ZCCHC10: variants seen among roughly 807,000 people sequenced by gnomAD.
ZCCHC10 encodes the protein zinc finger CCHC-type containing 10.
Under a neutral mutation model 19.5 loss-of-function variants are expected in ZCCHC10, and 16 were observed. That is an observed-to-expected ratio of 0.82 (90% confidence interval 0.56 to 1.25). The LOEUF is 1.25. ZCCHC10 is among the 50% of genes most tolerant of loss of function. The pLI, the probability that ZCCHC10 is intolerant of heterozygous loss-of-function variation, is 0.00. For missense variants in ZCCHC10, 197 were observed against 201.0 expected, an observed-to-expected ratio of 0.98 and a Z score of 0.12; for synonymous variants, 67 against 72.5, an observed-to-expected ratio of 0.92 and a Z score of 0.38.
At position 133,026,527 on chromosome 5, in the gene ZCCHC10, G is replaced by C; in HGVS notation, c.11C>G (p.Pro4Arg). ...TCTCCGGGCTATTAGCCGATGCATG[G>C]GAGTCGCCATCTTAGCGCGGTCAAA... MAT[P>R]MHRLIARRQA... is the part of the protein sequence containing the mutation. Residue 4 changes from proline to arginine, a missense_variant, in exon 1 of 5, where the codon CCC becomes CGC. By Grantham distance (103) the Pro-to-Arg change is moderately radical. Coordinates refer to ENST00000509437, the MANE Select transcript of ZCCHC10 (RefSeq NM_001300816.3). 3 of 1,613,772 alleles carry C rather than the reference G, an allele frequency of 1.9e-6. No homozygotes were observed. Among genetic ancestry groups the C allele is most frequent in the Non-Finnish European group, 2.5e-6 (3 of 1,179,942 alleles).
chr5:133,024,918 A>G (rs1052458758), intron 1 of ZCCHC10, among the ~76,000 whole-genome samples: 9 of 151,928 alleles, frequency 5.9e-5, no homozygotes, highest in African/African-American at 2.2e-4. Flanking sequence ...AAAACAAAAA[A>G]AACCTGTCTG....
intron 2 of ZCCHC10, among the ~76,000 whole-genome samples, chr5:133,022,613 C>T (rs1764393705): frequency 6.6e-6 from 1 of 152,044 alleles, no homozygotes; most frequent in African/African-American, 2.4e-5. Context: ...CCACCACATC[C>T]AGCTAATTTT....
intron 2 of ZCCHC10, among the ~76,000 whole-genome samples, chr5:133,008,503 A>G (rs1208947989): frequency 6.9e-6 from 1 of 144,504 alleles, no homozygotes; most frequent in Non-Finnish European, 1.5e-5. Flanking sequence ...GCGCCATCGT[A>G]CTCCAGCCTG....
intron 2 of ZCCHC10, among the ~76,000 whole-genome samples, chr5:133,020,247 G>A (rs1764212849): frequency 6.6e-6 from 1 of 151,942 alleles, no homozygotes; most frequent in South Asian, 2.1e-4. Flanking sequence ...CAGATCACTT[G>A]ATACCAGGAG....
Position 132,998,813 on chromosome 5 carries a change from C to T in ZCCHC10, c.349G>A (p.Asp117Asn). 1 of 1,614,160 alleles carries T rather than the reference C, an allele frequency of 6.2e-7. No homozygotes were observed. The highest frequency in any genetic ancestry group is 8.5e-7 in the Non-Finnish European group (1 of 1,180,034). The change falls in exon 5 of 5, where the codon GAC (aspartate) becomes AAC (asparagine). Residue 117 changes from aspartate to asparagine, a missense_variant. By Grantham distance (23) the Asp-to-Asn change is conservative. Coordinates refer to ENST00000509437, the MANE Select transcript of ZCCHC10 (RefSeq NM_001300816.3). ...SVTSSSSSSSDSSASDSSSES... is the reference protein window; with the variant it reads ...SVTSSSSSSSNSSASDSSSES... ...GATGAAGAATCACTGGCAGAACTGT[C>T]ACTGCTACTGCTACTGGAACTGGTT...
In ZCCHC10 at chr5:133,007,544, C is replaced by CA. The variant is rs58700549; in HGVS notation, c.108-625dup. On this transcript the variant is annotated intron_variant, in intron 2 of 4. Coordinates refer to ENST00000509437, the MANE Select transcript of ZCCHC10 (RefSeq NM_001300816.3). ...GGCAACAGAGCGAGACTCCGTCTCA[C>CA]AAAAAAAAAAAAAAACAAAAAACCA... 8.9e-3 allele frequency among the ~76,000 whole-genome samples: 1,060 copies of CA among 119,194 alleles called. 5 individuals carry two copies. The highest frequency in any genetic ancestry group is 0.013 in the Non-Finnish European group (690 of 53,636). 78.2% of individuals were successfully genotyped at this position (119,194 alleles called of 152,430 possible). A position where few individuals can be genotyped will look rare whatever the true frequency, so the allele number is the denominator to read the frequency against.
At chr5:133,019,978 A>G (rs546421504) in intron 2 of ZCCHC10, among the ~76,000 whole-genome samples, 317 of 151,674 alleles carry the variant, frequency 2.1e-3, no homozygotes, top group African/African-American at 7.5e-3. Flanking sequence ...AAAAGTACAT[A>G]CCAAAAAGAG....
chr5:133,016,402 A>C (rs1351246939), intron 2 of ZCCHC10, among the ~76,000 whole-genome samples: 1 of 152,050 alleles, frequency 6.6e-6, no homozygotes, highest in Non-Finnish European at 1.5e-5. Context: ...TCTCCGCTTG[A>C]TCTTAGCCAA....
intron 2 of ZCCHC10, among the ~76,000 whole-genome samples, chr5:133,018,459 G>T (rs948193865): frequency 6.6e-6 from 1 of 151,922 alleles, no homozygotes; most frequent in African/African-American, 2.4e-5. Context: ...GAGTACAGTG[G>T]CGCAATCTCG....
At chr5:133,007,068 T>C (rs1319236822) in intron 2 of ZCCHC10, 148 bp from the exon 3 acceptor site, 1 of 765,318 alleles carries the variant, frequency 1.3e-6, no homozygotes, top group African/African-American at 1.8e-5. Context: ...TGAGATTTAA[T>C]ACAACAAAGT....
chr5:133,015,930 T>C (rs986270120), intron 2 of ZCCHC10, among the ~76,000 whole-genome samples: 17 of 152,242 alleles, frequency 1.1e-4, no homozygotes, highest in African/African-American at 4.1e-4. Context: ...CCTTTATTCA[T>C]GAGTGTGGAT....
chr5:133,025,503 C>CAAAAAAAAAAAAAAAAA (rs74843776), intron 1 of ZCCHC10, among the ~76,000 whole-genome samples: 1 of 18,658 alleles, frequency 5.4e-5, no homozygotes, highest in African/African-American at 1.4e-4. Flanking sequence ...GACTCCGCCT[C>CAAAAAAAAAAAAAAAAA]AAAAAAAAAA....
chr5:133,009,724 G>A (rs1457331728), intron 2 of ZCCHC10, among the ~76,000 whole-genome samples: 3 of 151,698 alleles, frequency 2.0e-5, no homozygotes, highest in Non-Finnish European at 4.4e-5. Flanking sequence ...AACAGGGTAA[G>A]CATCACATAT....
At chr5:133,001,522 C>T (rs1762774289) in intron 3 of ZCCHC10, among the ~76,000 whole-genome samples, 1 of 151,474 alleles carries the variant, frequency 6.6e-6, no homozygotes, top group Admixed American at 6.6e-5. Context: ...AGTGCAGTGG[C>T]ATGATCTTGG....
chr5:133,025,447 T>C (rs999910801), intron 1 of ZCCHC10, among the ~76,000 whole-genome samples: 1 of 129,650 alleles, frequency 7.7e-6, no homozygotes, highest in Non-Finnish European at 1.5e-5. Context: ...GAGCTTGCAG[T>C]GAGCCAAGAT....
chr5:133,022,055 CA>C (rs1302392635), intron 2 of ZCCHC10, among the ~76,000 whole-genome samples: 1 of 152,144 alleles, frequency 6.6e-6, no homozygotes, highest in Non-Finnish European at 1.5e-5. Context: ...ATGGGCCACC[CA>C]AAGTGCTGGG....
chr5:132,999,654 A>T (rs1243358191), intron 4 of ZCCHC10, among the ~76,000 whole-genome samples: 1 of 151,874 alleles, frequency 6.6e-6, no homozygotes, highest in Non-Finnish European at 1.5e-5. Context: ...AAATGGAAGC[A>T]ATGCATTTCC....
At chr5:133,019,174 A>T (rs1015867151) in intron 2 of ZCCHC10, 1 of 415,306 alleles carries the variant, frequency 2.4e-6, no homozygotes, top group African/African-American at 2.1e-5. Context: ...CGAGCTCAGG[A>T]GTTTGAGACC....
intron 1 of ZCCHC10, among the ~76,000 whole-genome samples, chr5:133,024,180 A>T (rs984974996): frequency 6.6e-6 from 1 of 152,242 alleles, no homozygotes; most frequent in African/African-American, 2.4e-5. Context: ...AAATAGCAGT[A>T]TTATTCAGAT....
Sources: gnomAD v4.1 joint callset for allele counts (sites outside exome capture counted in the v4.1 genomes callset) on GRCh38, gnomAD v4.1.1 for gene constraint, MANE v1.5 for transcripts, NCBI Gene and HGNC (gene_info 2026-07-23, HGNC 2026-07-21) for gene names.